EML5: variants seen among roughly 807,000 people sequenced by gnomAD.
The protein encoded by EML5 is EMAP like 5.
EML5 carries 120 observed loss-of-function variants against 250.0 expected under a neutral mutation model. That is an observed-to-expected ratio of 0.48 (90% CI 0.41 to 0.56). The LOEUF (loss-of-function observed/expected upper bound fraction) is 0.56, where lower values mean the gene tolerates loss of function less well. EML5 is among the 20% of genes least tolerant of loss of function. The probability of loss-of-function intolerance (pLI) is 0.00; values close to 1 mark genes in which losing one functional copy is unlikely to be tolerated. For missense variants in EML5, 2,006 were observed against 2,437.6 expected (o/e 0.82, Z 3.73); for synonymous variants, 771 against 806.5 (o/e 0.96, Z 0.75).
At chr14:88,684,743 A>G (rs2092792603) in intron 20 of EML5, among the ~76,000 whole-genome samples, 1 of 152,126 alleles carries the variant, frequency 6.6e-6, no homozygotes, top group Non-Finnish European at 1.5e-5. Context: ...AAGAATATGT[A>G]TATTTACTGA....
At chr14:88,696,446 T>G (rs1258490836) in intron 15 of EML5, among the ~76,000 whole-genome samples, 6 of 152,146 alleles carry the variant, frequency 3.9e-5, no homozygotes, top group Admixed American at 3.3e-4. Flanking sequence ...AGTATTTCAA[T>G]TCTCAACTCT....
chr14:88,681,968 C>T lies in EML5; in HGVS notation c.3046G>A (p.Val1016Ile), dbSNP rs1316588538. Residue 1016 changes from valine to isoleucine, a missense_variant, in exon 21 of 44, where the codon GTA becomes ATA. Val to Ile is a conservative substitution (Grantham distance 29, BLOSUM62 3). Around this residue, in one of 7 missense-constraint regions of EML5, gnomAD observed 1,375 missense variants for 1,590.3 expected, o/e 0.86. Coordinates refer to ENST00000554922, the MANE Select transcript of EML5 (RefSeq NM_183387.3). ...THPYLPICAT[V>I]SDDKTLRIWD... is the part of the protein sequence containing the mutation. Reference sequence around the variant, plus strand: ...ATTCTTAAGGTTTTATCATCGCTTACAGTAGCACAGATGGGCAGATAAGGG... The same window carrying T: ...ATTCTTAAGGTTTTATCATCGCTTATAGTAGCACAGATGGGCAGATAAGGG... 6.2e-7 allele frequency: 1 copy of T among 1,613,614 alleles called. No homozygotes were observed. Among genetic ancestry groups the T allele is most frequent in the African/African-American group, 1.3e-5 (1 of 75,012 alleles).
chr14:88,722,329 G>C (rs570168121), intron 8 of EML5, among the ~76,000 whole-genome samples: 5 of 152,226 alleles, frequency 3.3e-5, no homozygotes, highest in African/African-American at 1.2e-4. Flanking sequence ...GTTCACTGCA[G>C]CACTATTCAC....
rs2087112974 is a variant in EML5 at position 88,613,341 on chromosome 14, G to A, written c.*2477C>T. On this transcript the variant is annotated 3_prime_UTR_variant, in exon 44 of 44. Transcript: ENST00000554922. Reference sequence around the variant, plus strand: ...CAGTGTTGAGATGCTTTGCATCTCTGCAGAAGAAATTTATTTTAAATTGTT... The same window carrying A: ...CAGTGTTGAGATGCTTTGCATCTCTACAGAAGAAATTTATTTTAAATTGTT... The A allele has an allele frequency of 6.6e-6, 1 of 152,130 alleles. No homozygotes were observed. The highest frequency in any genetic ancestry group is 2.4e-5 in the African/African-American group (1 of 41,430). 9.4% of individuals were successfully genotyped at this position (152,130 alleles called of 1,614,324 possible).
At chr14:88,667,478 G>A (rs1228091221) in intron 21 of EML5, among the ~76,000 whole-genome samples, 1 of 152,162 alleles carries the variant, frequency 6.6e-6, no homozygotes, top group East Asian at 1.9e-4. Flanking sequence ...AGAAACATAA[G>A]GTTAGTTCTG....
At chr14:88,616,482 A>G (rs994053235) in intron 42 of EML5, 8 of 603,602 alleles carry the variant, frequency 1.3e-5, no homozygotes, top group African/African-American at 3.7e-5. Context: ...TTGAAATTTG[A>G]TAACTGATTA....
In EML5 at chr14:88,792,240, G is replaced by A; in HGVS notation, c.197+67C>T. On this transcript the variant is annotated intron_variant, in intron 1 of 43. Coordinates refer to ENST00000554922, the MANE Select transcript of EML5 (RefSeq NM_183387.3). This position sits in a 1 kb window ranked among gnomAD's most constrained non-coding sequence, Gnocchi z 6.9. Reference sequence around the variant, plus strand: ...GCAGGAGCGGTCACGGCGTCCAGAGGAACCCGCGGGTGCAAACTCCGGGAG... The same window carrying A: ...GCAGGAGCGGTCACGGCGTCCAGAGAAACCCGCGGGTGCAAACTCCGGGAG... 1 of 1,521,012 alleles carries A rather than the reference G, an allele frequency of 6.6e-7. No individual in the cohort carries two copies. Among genetic ancestry groups the A allele is most frequent in the Non-Finnish European group, 8.8e-7 (1 of 1,134,472 alleles). The allele number at this position is 1,521,012 out of a possible 1,614,324, so 94.2% of individuals were successfully genotyped here.
At position 88,736,547 on chromosome 14, in the gene EML5, A is replaced by G. The variant is rs2093843199; in HGVS notation, c.866T>C (p.Val289Ala). 1.9e-6 allele frequency: 3 copies of G among 1,614,000 alleles called. No individual in the cohort carries two copies. The highest frequency in any genetic ancestry group is 2.5e-6 in the Non-Finnish European group (3 of 1,179,894). ...QGYKGLSVRSVCWRGDHILVG... is the reference protein window; with the variant it reads ...QGYKGLSVRSACWRGDHILVG... ...TAGAATGTGGTCACCTCGCCAACAC[A>G]CACTCCTTACAGACAAACCTAGTAA... Residue 289 changes from valine (V) to alanine (A), a missense_variant, in exon 7 of 44, where the codon GTG becomes GCG. Val to Ala is a moderately conservative substitution (Grantham distance 64). Transcript: ENST00000554922.
At chr14:88,744,467 G>C (rs939493852) in intron 3 of EML5, among the ~76,000 whole-genome samples, 12 of 151,922 alleles carry the variant, frequency 7.9e-5, no homozygotes, top group African/African-American at 2.9e-4. Context: ...CACTTACACA[G>C]CCTAGAAATA....
intron 10 of EML5, among the ~76,000 whole-genome samples, chr14:88,712,031 GAA>G (rs1199627410): frequency 6.6e-6 from 1 of 151,188 alleles, no homozygotes; most frequent in African/African-American, 2.4e-5. Flanking sequence ...TCTTTGAAAA[GAA>G]AGAGATATAG....
At chr14:88,736,049 G>A (rs1482110056) in intron 7 of EML5, among the ~76,000 whole-genome samples, 1 of 146,652 alleles carries the variant, frequency 6.8e-6, no homozygotes, top group Non-Finnish European at 1.5e-5. Context: ...TTGCCAGGCT[G>A]GAATGCAGTG....
intron 32 of EML5, among the ~76,000 whole-genome samples, chr14:88,637,079 G>A (rs79405776): frequency 0.044 from 6,652 of 152,252 alleles, 454 homozygotes; most frequent in African/African-American, 0.15. Context: ...GCTGTTTTGT[G>A]TTTTGTGGGT....
intron 7 of EML5, among the ~76,000 whole-genome samples, chr14:88,731,972 G>A (rs2093765974): frequency 6.6e-6 from 1 of 152,112 alleles, no homozygotes; most frequent in African/African-American, 2.4e-5. Flanking sequence ...TCAGCCCTTT[G>A]TCAGATGAGT....
chr14:88,769,725 T>C (rs2094367661), intron 1 of EML5, among the ~76,000 whole-genome samples: 1 of 152,242 alleles, frequency 6.6e-6, no homozygotes, highest in Admixed American at 6.5e-5. Flanking sequence ...TCTGTATACA[T>C]AGATACATTC....
chr14:88,737,485 C>T (rs941452385), intron 6 of EML5, among the ~76,000 whole-genome samples: 5 of 152,218 alleles, frequency 3.3e-5, no homozygotes, highest in African/African-American at 4.8e-5. Context: ...TACCTCCTGG[C>T]GAGCCTGGAG....
chr14:88,657,181 C>T (rs1392421951), intron 27 of EML5, among the ~76,000 whole-genome samples, 195 bp downstream of exon 27: 1 of 152,090 alleles, frequency 6.6e-6, no homozygotes, highest in Non-Finnish European at 1.5e-5. Flanking sequence ...TCCATAGAGA[C>T]AAGGTCTCAC....
chr14:88,689,684 T>C (rs920263709), intron 17 of EML5, among the ~76,000 whole-genome samples: 1 of 152,066 alleles, frequency 6.6e-6, no homozygotes, highest in East Asian at 1.9e-4. Context: ...CAGTGAGCCA[T>C]GATTGTGCCA....
chr14:88,778,183 G>A (rs762054862), intron 1 of EML5, among the ~76,000 whole-genome samples: 3 of 151,558 alleles, frequency 2.0e-5, no homozygotes, highest in Non-Finnish European at 4.4e-5. Flanking sequence ...TATCACCAGA[G>A]AACATCACCT....
chr14:88,712,171 T>A (rs1015197683), intron 10 of EML5, 100 bp downstream of exon 10: 214 of 807,790 alleles, frequency 2.6e-4, no homozygotes, highest in Non-Finnish European at 3.8e-4. Flanking sequence ...AGTGTAATTT[T>A]AAAAAATATG....
Sources: allele counts gnomAD v4.1 joint callset (sites outside exome capture counted in the v4.1 genomes callset), GRCh38; gene constraint gnomAD v4.1.1; regional missense constraint gnomAD v4.1.1; non-coding constraint Gnocchi (gnomAD v3.1); transcripts MANE v1.5; gene names NCBI Gene and HGNC (gene_info 2026-07-23, HGNC 2026-07-21).